Variants in NRXN3 observed in about 807,000 individuals in gnomAD.
NRXN3 encodes the protein neurexin III.
In NRXN3, 32 loss-of-function variants were observed where a neutral mutation model predicts 137.6. The observed-to-expected ratio is 0.23, with a 90% CI of 0.18 to 0.31. NRXN3 has a LOEUF of 0.31. Ranked by LOEUF, NRXN3 falls within the 10% of genes least tolerant of loss-of-function variation. The pLI is 1.00. For synonymous variants in NRXN3, 798 were observed against 784.5 expected (o/e 1.02, Z -0.29); for missense variants, 1,574 against 2,062.5 (o/e 0.76, Z 4.59).
At chr14:79,260,665 C>T (rs1425433532) in intron 15 of NRXN3, among the ~76,000 whole-genome samples, 1 of 152,098 alleles carries the variant, frequency 6.6e-6, no homozygotes, top group African/African-American at 2.4e-5. Context: ...ACTTGCCACC[C>T]ACAATGTAAC....
At chr14:78,632,766 G>C (rs1341998471) in intron 4 of NRXN3, among the ~76,000 whole-genome samples, 1 of 152,122 alleles carries the variant, frequency 6.6e-6, no homozygotes, top group African/African-American at 2.4e-5. Flanking sequence ...TAATTCATTT[G>C]TTCTGTGTTG....
rs372706774 is a variant in NRXN3 at position 78,449,503 on chromosome 14, C to T, written c.757+151643C>T. On this transcript the variant is annotated intron_variant, in intron 4 of 20. Transcript: ENST00000335750. Reference sequence around the variant, plus strand: ...TGCTGGGATTACAGGCATGAGCCACCGCACCCAGCCTGTTATCACATTTAT... The same window carrying T: ...TGCTGGGATTACAGGCATGAGCCACTGCACCCAGCCTGTTATCACATTTAT... Among the ~76,000 whole-genome samples the T allele has an allele frequency of 5.3e-5, 8 of 152,314 alleles. No homozygotes were observed. The South Asian group carries it at 1.2e-3, about 24-fold the overall frequency.
intron 15 of NRXN3, among the ~76,000 whole-genome samples, chr14:79,414,616 A>G (rs2153520985): frequency 6.6e-6 from 1 of 152,240 alleles, no homozygotes; most frequent in Admixed American, 6.6e-5. Context: ...AGTACAACAT[A>G]ATGTTTGATG....
intron 2 of NRXN3, among the ~76,000 whole-genome samples, chr14:78,254,791 C>A (rs1440655623): frequency 6.6e-6 from 1 of 152,004 alleles, no homozygotes; most frequent in African/African-American, 2.4e-5. Flanking sequence ...GACACACCAA[C>A]AGAAATAAAG....
At chr14:79,773,887 C>G (rs1008078389) in intron 19 of NRXN3, among the ~76,000 whole-genome samples, 1 of 150,410 alleles carries the variant, frequency 6.6e-6, no homozygotes, top group African/African-American at 2.4e-5. Flanking sequence ...CTTAACCTCT[C>G]TCTCTGCTCA....
intron 17 of NRXN3, among the ~76,000 whole-genome samples, chr14:79,666,792 C>CTTATT (rs2098559021): frequency 6.6e-6 from 1 of 151,944 alleles, no homozygotes; most frequent in Non-Finnish European, 1.5e-5. Flanking sequence ...GTTCAAAATC[C>CTTATT]TCATTTAAAA....
At chr14:78,835,832 A>G (rs1243971681) in intron 10 of NRXN3, among the ~76,000 whole-genome samples, 1 of 152,104 alleles carries the variant, frequency 6.6e-6, no homozygotes, top group Non-Finnish European at 1.5e-5. Context: ...CAAAGACTCT[A>G]AGTCTATGCT....
chr14:78,859,748 CT>C (rs2099067539), intron 10 of NRXN3, among the ~76,000 whole-genome samples: 1 of 152,098 alleles, frequency 6.6e-6, no homozygotes, highest in South Asian at 2.1e-4. Flanking sequence ...CAGTAAGTGC[CT>C]GTTTACTGTT....
At chr14:78,215,262 A>T (rs1479809477) in intron 1 of NRXN3, among the ~76,000 whole-genome samples, 3 of 152,096 alleles carry the variant, frequency 2.0e-5, no homozygotes, top group Non-Finnish European at 4.4e-5. Flanking sequence ...AAAGGAGCTA[A>T]AACGTTTTTG....
At chr14:78,398,106 C>T (rs1356785997) in intron 4 of NRXN3, among the ~76,000 whole-genome samples, 3 of 150,284 alleles carry the variant, frequency 2.0e-5, no homozygotes, top group Non-Finnish European at 3.0e-5. Flanking sequence ...CCTAGCTACT[C>T]GGGAGGCTGA....
rs2098606859 is a variant in NRXN3, at chr14:79,671,359, G to A, written c.3616+7410G>A. Among the ~76,000 whole-genome samples, 3 of 152,148 alleles carry A rather than the reference G, an allele frequency of 2.0e-5. No homozygotes were observed. The East Asian group carries it at 5.8e-4, about 30-fold the overall frequency. Reference sequence around the variant, plus strand: ...GTTTAACTCAAATCTTGACAATTTAGAATTTTTCTCTCAAGTTAAATTATA... The same window carrying A: ...GTTTAACTCAAATCTTGACAATTTAAAATTTTTCTCTCAAGTTAAATTATA... On this transcript the variant is annotated intron_variant, in intron 17 of 20. Transcript: ENST00000335750.
In NRXN3 at chr14:79,417,361, G is replaced by T. The variant is rs543915527; in HGVS notation, c.3263-49860G>T. On this transcript the variant is annotated intron_variant, in intron 15 of 20. Transcript: ENST00000335750. ...TCCATTTGCTTCATTGTACTCTTAA[G>T]ATGTTTATTCATTTTTCTCACTTCT... Among the ~76,000 whole-genome samples the T allele has an allele frequency of 3.3e-5, 5 of 152,178 alleles. No individual in the cohort carries two copies. In the East Asian group the frequency reaches 9.7e-4, roughly 29 times the overall value.
At chr14:79,101,105 A>G (rs148100001) in intron 15 of NRXN3, among the ~76,000 whole-genome samples, 8 of 152,334 alleles carry the variant, frequency 5.3e-5, no homozygotes, top group African/African-American at 1.9e-4. Context: ...AAAATTCTGT[A>G]TGCCAGAATA....
At chr14:79,475,807 A>C (rs2096554531) in intron 16 of NRXN3, among the ~76,000 whole-genome samples, 1 of 152,178 alleles carries the variant, frequency 6.6e-6, no homozygotes, top group Non-Finnish European at 1.5e-5. Context: ...ATGAAGCAAT[A>C]TAAAATTCTA....
At chr14:78,378,548 T>TG (rs2088372269) in intron 4 of NRXN3, among the ~76,000 whole-genome samples, 2 of 150,504 alleles carry the variant, frequency 1.3e-5, no homozygotes, top group South Asian at 4.2e-4. Flanking sequence ...TTAAAATTTG[T>TG]GAAACTCAGC....
Position 79,094,977 on chromosome 14 carries a change from A to AGTGTGTGTGTGT in NRXN3, c.3262+106837_3262+106838insTGTGTGTGTGTG, listed in dbSNP as rs1409965478. 6.2e-3 allele frequency among the ~76,000 whole-genome samples: 622 copies of AGTGTGTGTGTGT among 99,572 alleles called. 1 individual carries two copies. The highest frequency in any genetic ancestry group is 0.012 in the African/African-American group (385 of 30,930). The allele number at this position is 99,572 out of a possible 152,430, so 65.3% of individuals were successfully genotyped here. A position where few individuals can be genotyped will look rare whatever the true frequency, so the allele number is the denominator to read the frequency against. ...GAGAGAGAGAGAGAGAGAGAGAGAG[A>AGTGTGTGTGTGT]GAGTGTGTGTGTGTGTGTGTGTGTG... On this transcript the variant is annotated intron_variant, in intron 15 of 20. Coordinates refer to ENST00000335750, the MANE Select transcript of NRXN3 (RefSeq NM_001330195.2).
At chr14:79,519,673 T>C (rs1228648106) in intron 16 of NRXN3, among the ~76,000 whole-genome samples, 1 of 152,010 alleles carries the variant, frequency 6.6e-6, no homozygotes, top group Non-Finnish European at 1.5e-5. Context: ...AAGAGAGAGT[T>C]TTAAAATTTC....
Position 79,517,944 on chromosome 14 carries a change from C to G in NRXN3, c.3444+50542C>G, listed in dbSNP as rs1242123008. Among the ~76,000 whole-genome samples, 11 of 108,880 alleles carry G rather than the reference C, an allele frequency of 1.0e-4. No individual in the cohort carries two copies. In the Admixed American group the frequency reaches 1.5e-3, roughly 15 times the overall value. 71.4% of individuals were successfully genotyped at this position (108,880 alleles called of 152,430 possible). A position where few individuals can be genotyped will look rare whatever the true frequency, so the allele number is the denominator to read the frequency against. Reference sequence around the variant, plus strand: ...TTTTTGAGACAGTGTCTCAGTTTGTCATCCAGGCTGGAGTACAGTGGTGCG... The same window carrying G: ...TTTTTGAGACAGTGTCTCAGTTTGTGATCCAGGCTGGAGTACAGTGGTGCG... On this transcript the variant is annotated intron_variant, in intron 16 of 20. Transcript: ENST00000335750.
intron 15 of NRXN3, among the ~76,000 whole-genome samples, chr14:79,292,038 G>A (rs2083291003): frequency 6.6e-6 from 1 of 152,120 alleles, no homozygotes; most frequent in Non-Finnish European, 1.5e-5. Context: ...GAGCCCCAGA[G>A]GGTTAAGCAA....
Sources: allele counts gnomAD v4.1 joint callset (sites outside exome capture counted in the v4.1 genomes callset), GRCh38; gene constraint gnomAD v4.1.1; transcripts MANE v1.5; gene names NCBI Gene and HGNC (gene_info 2026-07-23, HGNC 2026-07-21).